WBP4: variants seen among roughly 807,000 people sequenced by gnomAD.
WBP4 encodes the protein WW domain-binding protein 4.
In WBP4, 37 loss-of-function variants were observed where a neutral mutation model predicts 55.4. The ratio of observed to expected loss-of-function variants is 0.67; its 90% CI spans 0.51 to 0.88. The LOEUF (loss-of-function observed/expected upper bound fraction) is 0.88, where lower values mean the gene tolerates loss of function less well. Among genes scored for constraint, WBP4 ranks in the 40% least tolerant of loss-of-function variants. WBP4 has a pLI of 0.00. For synonymous variants in WBP4, 142 were observed against 140.2 expected (o/e 1.01, Z -0.09); for missense variants, 398 against 420.8 (o/e 0.95, Z 0.47).
chr13:41,062,618 T>G, intron 1 of WBP4, 26 bp from the exon 2 acceptor site: 3 of 1,608,138 alleles, frequency 1.9e-6, no homozygotes, highest in Non-Finnish European at 2.5e-6. Flanking sequence ...TTACATGAGC[T>G]TAGCCTTGTT....
intron 3 of WBP4, 25 bp downstream of exon 3, chr13:41,065,103 A>C (rs1364575085): frequency 1.9e-6 from 3 of 1,599,756 alleles, no homozygotes; most frequent in Admixed American, 1.8e-5. Context: ...TTATTTGCTA[A>C]TTTTTCTATG....
In WBP4 at chr13:41,083,447, T is replaced by C. The variant is rs1296357939; in HGVS notation, c.*533T>C. On this transcript the variant is annotated 3_prime_UTR_variant, in exon 10 of 10. Transcript: ENST00000379487. ...AGCCAACAGCCAGGAGCAGCTCAGG[T>C]ACTTCAGATGTGCTTAATATGGAGT... 6.4e-6 allele frequency: 1 copy of C among 155,846 alleles called. No individual in the cohort carries two copies. Among genetic ancestry groups the C allele is most frequent in the Admixed American group, 6.3e-5 (1 of 15,890 alleles). The allele number at this position is 155,846 out of a possible 1,614,324, so 9.7% of individuals were successfully genotyped here. A position where few individuals can be genotyped will look rare whatever the true frequency, so the allele number is the denominator to read the frequency against.
intron 4 of WBP4, among the ~76,000 whole-genome samples, chr13:41,068,098 A>G (rs1179257119): frequency 2.0e-5 from 3 of 152,144 alleles, no homozygotes; most frequent in African/African-American, 4.8e-5. Flanking sequence ...TCTCATATGC[A>G]TATATTGCAT....
chr13:41,066,719 G>C (rs1188783320), intron 4 of WBP4, among the ~76,000 whole-genome samples: 1 of 152,052 alleles, frequency 6.6e-6, no homozygotes, highest in Non-Finnish European at 1.5e-5. Context: ...ATCTTTTCCT[G>C]GTTAACATTT....
Position 41,071,099 on chromosome 13 carries a change from C to T in WBP4, c.440-428C>T, listed in dbSNP as rs114383794. Among the ~76,000 whole-genome samples the T allele has an allele frequency of 9.6e-3, 1,454 of 152,234 alleles. 28 individuals are homozygous for T. Among genetic ancestry groups the T allele is most frequent in the African/African-American group, 0.033 (1,376 of 41,542 alleles). On this transcript the variant is annotated intron_variant, in intron 5 of 9. Coordinates refer to ENST00000379487, the MANE Select transcript of WBP4 (RefSeq NM_007187.5). The stretch of plus-strand genomic sequence containing the variant: ...TTGCTTGCCTCTCTTTTTCAGCATC[C>T]TACTTTATATACTCTTCCTCTCCAT...
chr13:41,063,649 A>G (rs930670870), intron 2 of WBP4, among the ~76,000 whole-genome samples: 4 of 152,156 alleles, frequency 2.6e-5, no homozygotes, highest in Non-Finnish European at 5.9e-5. Context: ...ATCTAGAGTA[A>G]GTAATCCCTT....
At chr13:41,069,387 G>A (rs1878127800) in intron 5 of WBP4, among the ~76,000 whole-genome samples, 1 of 152,090 alleles carries the variant, frequency 6.6e-6, no homozygotes, top group South Asian at 2.1e-4. Context: ...ATTAGGCTAG[G>A]CGCGGTGGCT....
intron 9 of WBP4, 26 bp downstream of exon 9, chr13:41,080,835 C>A (rs1878742021): frequency 6.3e-7 from 1 of 1,585,578 alleles, no homozygotes. Flanking sequence ...TTTAATCCCA[C>A]TGTTATTACA....
At position 41,082,916 on chromosome 13, in the gene WBP4, T is replaced by TG. The variant is rs766272579; in HGVS notation, c.*3dup. 6 of 1,613,752 alleles carry TG rather than the reference T, an allele frequency of 3.7e-6. No homozygotes were observed. The African/African-American group carries it at 8.0e-5, about 22-fold the overall frequency. ...AGGCAACGAGGTGATGATCAATAGT[T>TG]GCAGGAGAGCTTTTTGTACATGCTT... On this transcript the variant is annotated 3_prime_UTR_variant, in exon 10 of 10. Coordinates refer to ENST00000379487, the MANE Select transcript of WBP4 (RefSeq NM_007187.5).
chr13:41,062,871 A>C (rs565084835), intron 2 of WBP4, among the ~76,000 whole-genome samples, 155 bp downstream of exon 2: 1 of 152,300 alleles, frequency 6.6e-6, no homozygotes, highest in Non-Finnish European at 1.5e-5. Flanking sequence ...CCCCTATGAA[A>C]GCTGTGAGCC....
At chr13:41,071,949 CAG>C (rs142154732) in intron 6 of WBP4, among the ~76,000 whole-genome samples, 8,137 of 149,882 alleles carry the variant, frequency 0.054, 244 homozygotes, top group Middle Eastern at 0.11. Flanking sequence ...GAGGCTGAGT[CAG>C]GGGAATCACT....
Position 41,083,481 on chromosome 13 carries a change from G to C in WBP4, c.*567G>C, listed in dbSNP as rs1427401463. Reference sequence around the variant, plus strand: ...TGTGCTTAATATGGAGTGAAAACTGGACCAGAGGTGGAAAGATGTATTTGC... The same window carrying C: ...TGTGCTTAATATGGAGTGAAAACTGCACCAGAGGTGGAAAGATGTATTTGC... On this transcript the variant is annotated 3_prime_UTR_variant, in exon 10 of 10. Transcript: ENST00000379487. 6.6e-6 allele frequency: 1 copy of C among 152,614 alleles called. No homozygotes were observed. The highest frequency in any genetic ancestry group is 1.5e-5 in the Non-Finnish European group (1 of 68,340). The allele number at this position is 152,614 out of a possible 1,614,324, so 9.5% of individuals were successfully genotyped here. A position where few individuals can be genotyped will look rare whatever the true frequency, so the allele number is the denominator to read the frequency against.
rs752889952 is a variant in WBP4, at chr13:41,062,629, GTCTC to G, written c.3-11_3-8del. ...AGTTTTACATGAGCTTAGCCTTGTT[GTCTC>G]TCTTTTTCAGGGCGGACTACTGGAA... On this transcript the variant is annotated splice_polypyrimidine_tract_variant and intron_variant, in intron 1 of 9. Coordinates refer to ENST00000379487, the MANE Select transcript of WBP4 (RefSeq NM_007187.5). 6.2e-6 allele frequency: 10 copies of G among 1,611,808 alleles called. No homozygotes were observed. Among genetic ancestry groups the G allele is most frequent in the Non-Finnish European group, 7.6e-6 (9 of 1,179,100 alleles).
intron 4 of WBP4, among the ~76,000 whole-genome samples, chr13:41,065,811 G>T (rs1490580202): frequency 4.6e-5 from 7 of 152,114 alleles, no homozygotes; most frequent in Admixed American, 2.6e-4. Flanking sequence ...TATTTAACTA[G>T]ACTGCATCTA....
intron 1 of WBP4, 84 bp downstream of exon 1, chr13:41,061,759 C>T: frequency 6.3e-7 from 1 of 1,598,678 alleles, no homozygotes; most frequent in Non-Finnish European, 8.5e-7. Flanking sequence ...CTCCTCTCCT[C>T]CCGCCCTTCG....
intron 6 of WBP4, among the ~76,000 whole-genome samples, chr13:41,072,115 T>C (rs1878277814): frequency 6.6e-6 from 1 of 151,846 alleles, no homozygotes; most frequent in African/African-American, 2.4e-5. Context: ...TATTAGTTGG[T>C]TTGCCGTCAG....
chr13:41,073,495 A>G (rs902366419), intron 7 of WBP4, among the ~76,000 whole-genome samples: 2 of 151,638 alleles, frequency 1.3e-5, no homozygotes, highest in African/African-American at 2.4e-5. Context: ...CCTGGGCAAC[A>G]AGAGCAAAAC....
chr13:41,066,813 T>C (rs569033228), intron 4 of WBP4, among the ~76,000 whole-genome samples: 36 of 152,212 alleles, frequency 2.4e-4, no homozygotes, highest in Admixed American at 3.9e-4. Context: ...TATTTTTCTC[T>C]GTAGGTTCAG....
chr13:41,072,479 G>A (rs1878292319), intron 6 of WBP4, among the ~76,000 whole-genome samples: 1 of 152,208 alleles, frequency 6.6e-6, no homozygotes, highest in African/African-American at 2.4e-5. Flanking sequence ...AGGAGCAAAG[G>A]GAGGTGCCAC....
Sources: gnomAD v4.1 joint callset for allele counts (sites outside exome capture counted in the v4.1 genomes callset) on GRCh38, gnomAD v4.1.1 for gene constraint, MANE v1.5 for transcripts, NCBI Gene and HGNC (gene_info 2026-07-23, HGNC 2026-07-21) for gene names.